PVR: variants seen among roughly 807,000 people sequenced by gnomAD.
The protein encoded by PVR is poliovirus receptor.
Under a neutral mutation model 43.3 loss-of-function variants are expected in PVR, and 39 were observed. The ratio of observed to expected loss-of-function variants is 0.90; its 90% CI spans 0.70 to 1.18. PVR has a LOEUF of 1.18. Among genes scored for constraint, PVR ranks in the 50% most tolerant of loss-of-function variants. The pLI is 0.00. For missense variants in PVR, 480 were observed against 549.7 expected (o/e 0.87, Z 1.27); for synonymous variants, 224 against 233.2 (o/e 0.96, Z 0.36).
In PVR at chr19:44,661,282, A is replaced by G; in HGVS notation, c.1151-10A>G. On this transcript the variant is annotated splice_polypyrimidine_tract_variant and intron_variant, in intron 6 of 7. Transcript: ENST00000425690. ...TTCCTTCCTGACGACTTCCCCTCCT[A>G]TTTCCCCAGGTACAGAGCATGCCAG... The G allele has an allele frequency of 1.9e-6, 3 of 1,612,716 alleles. No homozygotes were observed. The highest frequency in any genetic ancestry group is 2.7e-5 in the African/African-American group (2 of 74,898).
Position 44,649,690 on chromosome 19 carries a change from G to A in PVR, c.428-119G>A, listed in dbSNP as rs1252644978. ...CCCACCTCAGCCCCCCAAAGTTCTG[G>A]GATTATAGGCGTGAGCCACCCCGCC... On this transcript the variant is annotated intron_variant, in intron 2 of 7. Coordinates refer to ENST00000425690, the MANE Select transcript of PVR (RefSeq NM_006505.5). 4.5e-6 allele frequency: 5 copies of A among 1,101,028 alleles called. No homozygotes were observed. The East Asian group carries it at 9.8e-5, about 22-fold the overall frequency. The allele number at this position is 1,101,028 out of a possible 1,614,324, so 68.2% of individuals were successfully genotyped here. A position where few individuals can be genotyped will look rare whatever the true frequency, so the allele number is the denominator to read the frequency against.
At chr19:44,658,064 A>G (rs994972740) in intron 5 of PVR, among the ~76,000 whole-genome samples, 154 bp downstream of exon 5, 1 of 152,142 alleles carries the variant, frequency 6.6e-6, no homozygotes, top group South Asian at 2.1e-4. Context: ...CTCCATACCT[A>G]TATCACTGGT....
At chr19:44,652,572 C>T (rs774055464) in intron 3 of PVR, among the ~76,000 whole-genome samples, 7 of 152,016 alleles carry the variant, frequency 4.6e-5, no homozygotes, top group East Asian at 1.9e-4. Flanking sequence ...GTGGTAGAGA[C>T]GGGATTTCAC....
rs753363860 is a variant in PVR, at chr19:44,662,337, C to T, written c.*526C>T. 1.3e-5 allele frequency: 2 copies of T among 155,164 alleles called. No homozygotes were observed. The highest frequency in any genetic ancestry group is 2.9e-5 in the Non-Finnish European group (2 of 69,770). 9.6% of individuals were successfully genotyped at this position (155,164 alleles called of 1,614,324 possible). ...GTGGTGAGATCACAGTTCATTGCAG[C>T]CTTGACTTCTCAACGCCAAGTCATC... is the stretch of plus-strand genomic sequence containing the variant. On this transcript the variant is annotated 3_prime_UTR_variant, in exon 8 of 8. Transcript: ENST00000425690.
At chr19:44,660,821 G>C (rs904289112) in intron 6 of PVR, among the ~76,000 whole-genome samples, 1 of 151,938 alleles carries the variant, frequency 6.6e-6, no homozygotes, top group Non-Finnish European at 1.5e-5. Flanking sequence ...ACCACGCCTG[G>C]CCAAGAGCAG....
Position 44,665,153 on chromosome 19 carries a change from TGGC to T in PVR, c.*3345_*3347del, listed in dbSNP as rs1973680218. 1 of 150,370 alleles carries T rather than the reference TGGC, an allele frequency of 6.7e-6. No individual in the cohort carries two copies. The highest frequency in any genetic ancestry group is 6.7e-5 in the Admixed American group (1 of 14,896). 9.3% of individuals were successfully genotyped at this position (150,370 alleles called of 1,614,324 possible). A position where few individuals can be genotyped will look rare whatever the true frequency, so the allele number is the denominator to read the frequency against. Reference sequence around the variant, plus strand: ...ACCGCAACTATCCTTATCAGAGACTTGGCGGGGGGCAGGGTATGATGGAGATCA... The same window carrying T: ...ACCGCAACTATCCTTATCAGAGACTTGGGGGGCAGGGTATGATGGAGATCA... On this transcript the variant is annotated 3_prime_UTR_variant, in exon 8 of 8. Coordinates refer to ENST00000425690, the MANE Select transcript of PVR (RefSeq NM_006505.5).
intron 5 of PVR, 86 bp downstream of exon 5, chr19:44,657,996 C>A: frequency 7.0e-7 from 1 of 1,418,984 alleles, no homozygotes; most frequent in East Asian, 2.4e-5. Context: ...TGGCTCCCAT[C>A]CTTCTCCTAA....
chr19:44,647,655 TGGGA>T, intron 2 of PVR, 85 bp downstream of exon 2: 1 of 933,962 alleles, frequency 1.1e-6, no homozygotes, highest in Non-Finnish European at 1.4e-6. Context: ...CGGGGAGGCC[TGGGA>T]GGGAGGGAGA....
In PVR at chr19:44,653,651, C is replaced by T. The variant is rs1973344546; in HGVS notation, c.725-249C>T. The T allele has an allele frequency of 9.3e-6, 4 of 431,624 alleles. No individual in the cohort carries two copies. The East Asian group carries it at 1.4e-4, about 15-fold the overall frequency. The allele number at this position is 431,624 out of a possible 1,614,324, so 26.7% of individuals were successfully genotyped here. A position where few individuals can be genotyped will look rare whatever the true frequency, so the allele number is the denominator to read the frequency against. On this transcript the variant is annotated intron_variant, in intron 3 of 7. Transcript: ENST00000425690. Reference sequence around the variant, plus strand: ...CAGGACACCCAAGACATGCCTGGTCCAGGCTACCCAGGAAAGCTAGTGGAG... The same window carrying T: ...CAGGACACCCAAGACATGCCTGGTCTAGGCTACCCAGGAAAGCTAGTGGAG...
chr19:44,659,847 A>T (rs1228288546), intron 6 of PVR, among the ~76,000 whole-genome samples: 1 of 152,202 alleles, frequency 6.6e-6, no homozygotes, highest in African/African-American at 2.4e-5. Flanking sequence ...CCCATGTTAC[A>T]GAGGAGGAAG....
intron 6 of PVR, 105 bp downstream of exon 6, chr19:44,659,005 TC>T: frequency 1.8e-6 from 2 of 1,133,734 alleles, no homozygotes; most frequent in Non-Finnish European, 1.3e-6. Context: ...CCATGAGGTT[TC>T]CCCCATTTGA....
In PVR at chr19:44,664,506, C is replaced by G. The variant is rs990479182; in HGVS notation, c.*2695C>G. The G allele has an allele frequency of 6.6e-6, 1 of 151,754 alleles. No individual in the cohort carries two copies. The highest frequency in any genetic ancestry group is 1.5e-5 in the Non-Finnish European group (1 of 68,008). The allele number at this position is 151,754 out of a possible 1,614,324, so 9.4% of individuals were successfully genotyped here. ...AGGATTACAGATGTGAGCCACCGCG[C>G]CCACCCTGAACCTTACTTTTTTTGC... On this transcript the variant is annotated 3_prime_UTR_variant, in exon 8 of 8. Transcript: ENST00000425690.
In PVR at chr19:44,662,085, G is replaced by A; in HGVS notation, c.*274G>A. On this transcript the variant is annotated 3_prime_UTR_variant, in exon 8 of 8. Coordinates refer to ENST00000425690, the MANE Select transcript of PVR (RefSeq NM_006505.5). The stretch of plus-strand genomic sequence containing the variant: ...AGGACAGAGATTAAGATCAGCAAAG[G>A]GAGGAGGTGCACAGCACACGTTCCA... 1 of 479,672 alleles carries A rather than the reference G, an allele frequency of 2.1e-6. No homozygotes were observed. Among genetic ancestry groups the A allele is most frequent in the South Asian group, 2.7e-5 (1 of 36,778 alleles). 29.7% of individuals were successfully genotyped at this position (479,672 alleles called of 1,614,324 possible). A position where few individuals can be genotyped will look rare whatever the true frequency, so the allele number is the denominator to read the frequency against.
At chr19:44,644,875 C>G (rs892187541) in intron 1 of PVR, among the ~76,000 whole-genome samples, 1 of 146,712 alleles carries the variant, frequency 6.8e-6, no homozygotes, top group Non-Finnish European at 1.5e-5. Flanking sequence ...GCCACTATGC[C>G]TGGCTAATAT....
rs193245079 is a variant in PVR, at chr19:44,658,538, C to T, written c.992-204C>T. On this transcript the variant is annotated intron_variant, in intron 5 of 7. Coordinates refer to ENST00000425690, the MANE Select transcript of PVR (RefSeq NM_006505.5). ...CCACCTATGAACCAATCATAGCAGC[C>T]AGGGAGAATGGAATATTCTGATTGG... 4.0e-3 allele frequency among the ~76,000 whole-genome samples: 614 copies of T among 152,304 alleles called. 4 individuals are homozygous for T. Among genetic ancestry groups the T allele is most frequent in the Middle Eastern group, 0.017 (5 of 294 alleles).
chr19:44,658,738 T>G lies in PVR; in HGVS notation c.992-4T>G. 1.2e-6 allele frequency: 2 copies of G among 1,600,948 alleles called. No homozygotes were observed. The highest frequency in any genetic ancestry group is 1.7e-6 in the Non-Finnish European group (2 of 1,169,990). On this transcript the variant is annotated splice_polypyrimidine_tract_variant and splice_region_variant and intron_variant, in intron 5 of 7. Transcript: ENST00000425690. ...ACCTAAATACCTGTTTCCTTCTCTTTCAGAGGGACCTCCCAGTGAGCACTC... is the reference window on the plus strand; with the variant it reads ...ACCTAAATACCTGTTTCCTTCTCTTGCAGAGGGACCTCCCAGTGAGCACTC...
Position 44,657,717 on chromosome 19 carries a change from G to A in PVR, c.843-45G>A, listed in dbSNP as rs192504309. On this transcript the variant is annotated intron_variant, in intron 4 of 7. Coordinates refer to ENST00000425690, the MANE Select transcript of PVR (RefSeq NM_006505.5). ...GTGCGTGCTCAATCACTGTCACTCC[G>A]GACCTGCAGCAGAGGCCACCTCCTC... is the stretch of plus-strand genomic sequence containing the variant. 1,550 of 1,605,768 alleles carry A rather than the reference G, an allele frequency of 9.7e-4. 12 individuals are homozygous for A. The African/African-American group carries it at 0.017, about 18-fold the overall frequency.
chr19:44,646,502 T>C (rs1281397538), intron 1 of PVR, among the ~76,000 whole-genome samples: 1 of 152,184 alleles, frequency 6.6e-6, no homozygotes, highest in African/African-American at 2.4e-5. Context: ...CGGTGGCTCA[T>C]ACCTGTAATC....
In PVR at chr19:44,647,233, C is replaced by A. The variant is rs745606074; in HGVS notation, c.90C>A (p.Val30=). The change falls in exon 2 of 8, where the codon GTC becomes GTA. Residue 30 remains valine (V), a synonymous_variant. Coordinates refer to ENST00000425690, the MANE Select transcript of PVR (RefSeq NM_006505.5). ...TTCGGTTCTCCGCAGGGGACGTCGT[C>A]GTGCAGGCGCCCACCCAGGTGCCCG... ...SWPPPGTGDV[V]VQAPTQVPGF... 2 of 1,542,866 alleles carry A rather than the reference C, an allele frequency of 1.3e-6. No individual in the cohort carries two copies. The highest frequency in any genetic ancestry group is 4.9e-5 in the East Asian group (2 of 40,808).
Sources: allele counts gnomAD v4.1 joint callset (sites outside exome capture counted in the v4.1 genomes callset), GRCh38; gene constraint gnomAD v4.1.1; transcripts MANE v1.5; gene names NCBI Gene and HGNC (gene_info 2026-07-23, HGNC 2026-07-21).